Variants in TTC28 observed in about 807,000 individuals in gnomAD.
The protein encoded by TTC28 is tetratricopeptide repeat protein 28.
Under a neutral mutation model 198.0 loss-of-function variants are expected in TTC28, and 61 were observed. The observed-to-expected ratio is 0.31, with a 90% CI of 0.25 to 0.38. The LOEUF (loss-of-function observed/expected upper bound fraction) is 0.38, where lower values mean the gene tolerates loss of function less well. Among genes scored for constraint, TTC28 ranks in the 10% least tolerant of loss-of-function variants. The pLI is 1.00. For synonymous variants in TTC28, 1,171 were observed against 1,297.8 expected (o/e 0.90, Z 2.10); for missense variants, 2,678 against 3,164.0 (o/e 0.85, Z 3.69).
At chr22:28,290,465 T>C (rs145626424) in intron 5 of TTC28, among the ~76,000 whole-genome samples, 1 of 152,110 alleles carries the variant, frequency 6.6e-6, no homozygotes, top group Non-Finnish European at 1.5e-5. Flanking sequence ...AGAACAGAGA[T>C]GTACAAAATT....
intron 2 of TTC28, among the ~76,000 whole-genome samples, chr22:28,538,124 T>C (rs2049334478): frequency 6.6e-6 from 1 of 152,202 alleles, no homozygotes; most frequent in African/African-American, 2.4e-5. Context: ...CTCGCTCTGT[T>C]GCCAGGCTAG....
chr22:28,477,961 G>A (rs1468274020), intron 2 of TTC28, among the ~76,000 whole-genome samples: 1 of 152,166 alleles, frequency 6.6e-6, no homozygotes, highest in Non-Finnish European at 1.5e-5. Flanking sequence ...TAATCCAGCT[G>A]CAGGACTCAC....
Position 28,107,426 on chromosome 22 carries a change from G to C in TTC28, c.2419C>G (p.Leu807Val). ...TTGAATGCCATTGTGTATTTCCCAA[G>C]GGCCATGTAGACAGCAGCCAGGTGC... ...HGHLAAVYMA[L>V]GKYTMAFKCY... The change falls in exon 7 of 23, where the codon CTT becomes GTT. Residue 807 changes from leucine (L) to valine (V), a missense_variant. By Grantham distance (32) the Leu-to-Val change is conservative. Transcript: ENST00000397906. 1 of 1,551,726 alleles carries C rather than the reference G, an allele frequency of 6.4e-7. No individual in the cohort carries two copies.
At chr22:28,454,145 C>T (rs949413491) in intron 2 of TTC28, among the ~76,000 whole-genome samples, 18 of 152,138 alleles carry the variant, frequency 1.2e-4, no homozygotes, top group Admixed American at 1.2e-3. Context: ...ATTAACCCGC[C>T]CCCCTACTCC....
chr22:28,581,769 A>G (rs558017441), intron 2 of TTC28, among the ~76,000 whole-genome samples: 27 of 152,218 alleles, frequency 1.8e-4, no homozygotes, highest in Middle Eastern at 3.4e-3. Context: ...ACAAAAGAAC[A>G]TTTCTTCCTT....
chr22:28,481,858 G>C, intron 2 of TTC28, among the ~76,000 whole-genome samples: 1 of 152,152 alleles, frequency 6.6e-6, no homozygotes, highest in African/African-American at 2.4e-5. Flanking sequence ...AAGGATTTCA[G>C]CTGTGATGTA....
intron 6 of TTC28, among the ~76,000 whole-genome samples, chr22:28,149,688 C>T (rs985908243): frequency 4.6e-5 from 7 of 152,172 alleles, no homozygotes; most frequent in Non-Finnish European, 7.3e-5. Flanking sequence ...ATGGAGCTAT[C>T]ATCTCCTATG....
At chr22:28,403,939 TA>T (rs2046957909) in intron 2 of TTC28, among the ~76,000 whole-genome samples, 1 of 152,190 alleles carries the variant, frequency 6.6e-6, no homozygotes, top group Admixed American at 6.5e-5. Context: ...TTTTTTTAAG[TA>T]AAGAAACATC....
At chr22:28,640,649 G>A (rs924167948) in intron 1 of TTC28, among the ~76,000 whole-genome samples, 1 of 151,944 alleles carries the variant, frequency 6.6e-6, no homozygotes, top group East Asian at 1.9e-4. Flanking sequence ...CTTGAAAGGA[G>A]CTACAAGCTG....
At chr22:28,355,369 T>G (rs956907924) in intron 2 of TTC28, among the ~76,000 whole-genome samples, 6 of 152,196 alleles carry the variant, frequency 3.9e-5, no homozygotes, top group Admixed American at 3.9e-4. Context: ...TTTACAAGTT[T>G]AAATTGATTT....
chr22:28,201,751 C>CAAAAAAAAAAAAAAAAA (rs34790960), intron 5 of TTC28, among the ~76,000 whole-genome samples: 75 of 80,994 alleles, frequency 9.3e-4, no homozygotes, highest in African/African-American at 3.8e-3. Context: ...TTACAGAAAG[C>CAAAAAAAAAAAAAAAAA]AAAAAAAAAA....
intron 22 of TTC28, among the ~76,000 whole-genome samples, chr22:27,984,542 G>A (rs987526924): frequency 6.6e-6 from 1 of 151,964 alleles, no homozygotes; most frequent in African/African-American, 2.4e-5. Context: ...TGCACCCCGG[G>A]TGATGCCATG....
chr22:28,398,292 AG>A (rs1402368806), intron 2 of TTC28, among the ~76,000 whole-genome samples: 1 of 152,136 alleles, frequency 6.6e-6, no homozygotes, highest in Non-Finnish European at 1.5e-5. Context: ...AGGGGGCCAG[AG>A]GGGGCCACTG....
At chr22:28,390,093 G>C (rs560968175) in intron 2 of TTC28, among the ~76,000 whole-genome samples, 1 of 151,678 alleles carries the variant, frequency 6.6e-6, no homozygotes. Context: ...CCTTCATTTC[G>C]TTATGTACCC....
chr22:28,124,203 T>TTTG lies in TTC28; in HGVS notation c.1442-15801_1442-15800insCAA, dbSNP rs1390282462. Among the ~76,000 whole-genome samples the TTTG allele has an allele frequency of 7.9e-5, 12 of 152,060 alleles. No individual in the cohort carries two copies. In the East Asian group the frequency reaches 2.1e-3, roughly 27 times the overall value. On this transcript the variant is annotated intron_variant, in intron 6 of 22. Coordinates refer to ENST00000397906, the MANE Select transcript of TTC28 (RefSeq NM_001145418.2). The stretch of plus-strand genomic sequence containing the variant: ...TTGTTGTTGTTGTTGTTGTTGTTTG[T>TTTG]TTTTTGTTTTTTTCCTGTTTGACCT...
chr22:28,364,191 T>C (rs1210652758), intron 2 of TTC28, among the ~76,000 whole-genome samples: 10 of 152,208 alleles, frequency 6.6e-5, no homozygotes, highest in Non-Finnish European at 1.5e-5. Context: ...AAGTCTTTCC[T>C]GTGCTGTTCT....
chr22:28,478,372 G>A (rs2048194669), intron 2 of TTC28, among the ~76,000 whole-genome samples: 1 of 152,056 alleles, frequency 6.6e-6, no homozygotes, highest in South Asian at 2.1e-4. Flanking sequence ...AGCCAGGCAT[G>A]GTGGCATGTG....
chr22:28,447,989 AT>A (rs1344972144), intron 2 of TTC28, among the ~76,000 whole-genome samples: 3 of 152,146 alleles, frequency 2.0e-5, no homozygotes, highest in Non-Finnish European at 4.4e-5. Flanking sequence ...CTTACTCCAA[AT>A]TGAACCTGTA....
chr22:28,318,468 C>T (rs1403891413), intron 2 of TTC28, among the ~76,000 whole-genome samples: 2 of 152,156 alleles, frequency 1.3e-5, no homozygotes, highest in Non-Finnish European at 2.9e-5. Flanking sequence ...AGGAAACCCA[C>T]TGCTTGCTTG....
Sources: allele counts gnomAD v4.1 joint callset (sites outside exome capture counted in the v4.1 genomes callset), GRCh38; gene constraint gnomAD v4.1.1; transcripts MANE v1.5; gene names NCBI Gene and HGNC (gene_info 2026-07-23, HGNC 2026-07-21).